The following RBM47 variants were observed in gnomAD, a reference collection of about 807,000 sequenced individuals.
RBM47 encodes RNA binding motif protein 47, also known as RNA-binding protein 47.
RBM47 carries 21 observed loss-of-function variants against 47.1 expected under a neutral mutation model. That is an observed-to-expected ratio of 0.45 (90% CI 0.32 to 0.64). The LOEUF (loss-of-function observed/expected upper bound fraction) is 0.64. Ranked by LOEUF, RBM47 falls within the 30% of genes least tolerant of loss-of-function variation. The pLI is 0.05. For missense variants in RBM47, 708 were observed against 870.9 expected, an observed-to-expected ratio of 0.81 and a Z score of 2.35; for synonymous variants, 375 against 361.7, an observed-to-expected ratio of 1.04 and a Z score of -0.42.
chr4:40,484,801 T>C (rs1249501734), intron 2 of RBM47, among the ~76,000 whole-genome samples: 1 of 152,212 alleles, frequency 6.6e-6, no homozygotes, highest in Non-Finnish European at 1.5e-5. Context: ...TCCAGGTATC[T>C]ATCTTTCTCA....
At chr4:40,517,952 G>A (rs1219766891) in intron 2 of RBM47, among the ~76,000 whole-genome samples, 2 of 151,936 alleles carry the variant, frequency 1.3e-5, no homozygotes, top group Non-Finnish European at 2.9e-5. Context: ...AAATCTGGGG[G>A]GCCTGCAACC....
intron 1 of RBM47, among the ~76,000 whole-genome samples, chr4:40,617,333 C>A (rs1736843776): frequency 6.6e-6 from 1 of 151,980 alleles, no homozygotes; most frequent in South Asian, 2.1e-4. Flanking sequence ...CCGAGGCAGG[C>A]GGATCACAAG....
At chr4:40,483,637 A>T (rs1220631481) in intron 2 of RBM47, among the ~76,000 whole-genome samples, 3 of 152,200 alleles carry the variant, frequency 2.0e-5, no homozygotes, top group African/African-American at 7.2e-5. Context: ...CAGAGGTTGC[A>T]GTGAGCTGAG....
intron 1 of RBM47, among the ~76,000 whole-genome samples, chr4:40,584,388 T>C (rs1179963731): frequency 6.6e-6 from 1 of 152,234 alleles, no homozygotes; most frequent in Admixed American, 6.5e-5. Flanking sequence ...GTGTTGTCCA[T>C]TATAAATGCA....
intron 1 of RBM47, among the ~76,000 whole-genome samples, chr4:40,551,914 G>T (rs1050460383): frequency 1.3e-5 from 2 of 151,940 alleles, no homozygotes; most frequent in Non-Finnish European, 2.9e-5. Context: ...CTCCCAAAGC[G>T]CTGGGAATTA....
intron 2 of RBM47, among the ~76,000 whole-genome samples, chr4:40,516,875 C>CCTCAGCA (rs1323762875): frequency 2.6e-5 from 4 of 152,198 alleles, no homozygotes; most frequent in African/African-American, 9.6e-5. Flanking sequence ...TTCCTTCCTC[C>CCTCAGCA]CTCAGCACGG....
chr4:40,588,606 G>A (rs1366384175), intron 1 of RBM47, among the ~76,000 whole-genome samples: 2 of 152,080 alleles, frequency 1.3e-5, no homozygotes, highest in African/African-American at 2.4e-5. Flanking sequence ...GCTAGACTTC[G>A]ATCCAGCACA....
At position 40,438,924 on chromosome 4, in the gene RBM47, C is replaced by A; in HGVS notation, c.-31G>T. 1 of 1,499,094 alleles carries A rather than the reference C, an allele frequency of 6.7e-7. No homozygotes were observed. Among genetic ancestry groups the A allele is most frequent in the East Asian group, 2.4e-5 (1 of 42,434 alleles). 92.9% of individuals were successfully genotyped at this position (1,499,094 alleles called of 1,614,324 possible). A position where few individuals can be genotyped will look rare whatever the true frequency, so the allele number is the denominator to read the frequency against. On this transcript the variant is annotated splice_region_variant and 5_prime_UTR_variant, in exon 4 of 7. Transcript: ENST00000295971. The stretch of plus-strand genomic sequence containing the variant: ...CAAAGGCATCCACAGCTGGCGGAAA[C>A]CTGGGGAAGCAGAAAGAAGCGTGAG...
chr4:40,535,576 T>G (rs1727890076), intron 2 of RBM47, among the ~76,000 whole-genome samples: 1 of 151,652 alleles, frequency 6.6e-6, no homozygotes, highest in African/African-American at 2.4e-5. Flanking sequence ...TTTTTGTATT[T>G]TTCAGACGGA....
chr4:40,598,202 C>T (rs1053785198), intron 1 of RBM47, among the ~76,000 whole-genome samples: 7 of 152,120 alleles, frequency 4.6e-5, no homozygotes, highest in Non-Finnish European at 1.0e-4. Context: ...AAATAAAGTG[C>T]GCACACAGGA....
At chr4:40,617,077 T>C (rs1159358655) in intron 1 of RBM47, among the ~76,000 whole-genome samples, 2 of 151,826 alleles carry the variant, frequency 1.3e-5, no homozygotes, top group Admixed American at 6.6e-5. Flanking sequence ...GATTTCACCA[T>C]GTTGGCCAGG....
At chr4:40,541,912 G>A (rs753146830) in intron 2 of RBM47, among the ~76,000 whole-genome samples, 14 of 152,272 alleles carry the variant, frequency 9.2e-5, no homozygotes, top group Non-Finnish European at 1.3e-4. Context: ...TGGGAGAATC[G>A]TACACATACA....
chr4:40,618,834 A>G (rs1054180436), intron 1 of RBM47, among the ~76,000 whole-genome samples: 2 of 147,632 alleles, frequency 1.4e-5, no homozygotes, highest in Admixed American at 6.8e-5. Context: ...AAAAAAAAAA[A>G]GGGAAACTTC....
chr4:40,477,707 A>G (rs1719818590), intron 2 of RBM47, among the ~76,000 whole-genome samples: 1 of 152,164 alleles, frequency 6.6e-6, no homozygotes, highest in Admixed American at 6.5e-5. Context: ...TTTTAAGACT[A>G]AGGGGGTAAG....
chr4:40,502,593 C>T (rs543842310), intron 2 of RBM47, among the ~76,000 whole-genome samples: 1 of 152,258 alleles, frequency 6.6e-6, no homozygotes, highest in Admixed American at 6.5e-5. Flanking sequence ...GCCTGTAATC[C>T]CAGCATTTTG....
intron 2 of RBM47, among the ~76,000 whole-genome samples, chr4:40,522,388 C>T (rs1726283033): frequency 6.6e-6 from 1 of 152,056 alleles, no homozygotes; most frequent in Admixed American, 6.6e-5. Flanking sequence ...GCCTGTAATC[C>T]CAGATACTCG....
At chr4:40,516,039 G>A (rs904337389) in intron 2 of RBM47, 1 of 152,484 alleles carries the variant, frequency 6.6e-6, no homozygotes, top group African/African-American at 2.4e-5. Flanking sequence ...CGTGGCAACA[G>A]GGCCTCCCCG....
chr4:40,604,905 C>CG (rs765967349), intron 1 of RBM47, among the ~76,000 whole-genome samples: 2 of 152,060 alleles, frequency 1.3e-5, no homozygotes, highest in Non-Finnish European at 2.9e-5. Flanking sequence ...TTAGTAGAGA[C>CG]GGGGTTTCAC....
At chr4:40,498,054 TTATA>T (rs6148409) in intron 2 of RBM47, among the ~76,000 whole-genome samples, 32,102 of 109,934 alleles carry the variant, frequency 0.29, 5,612 homozygotes, top group East Asian at 0.47. Flanking sequence ...AGTGCTTGTT[TTATA>T]TATATATATA....
Sources: gnomAD v4.1 joint callset for allele counts (sites outside exome capture counted in the v4.1 genomes callset) on GRCh38, gnomAD v4.1.1 for gene constraint, MANE v1.5 for transcripts, NCBI Gene and HGNC (gene_info 2026-07-23, HGNC 2026-07-21) for gene names.